DNM1: variants seen among roughly 807,000 people sequenced by gnomAD.
DNM1 encodes the protein dynamin 1.
Under a neutral mutation model 104.6 loss-of-function variants are expected in DNM1, and 29 were observed. The observed-to-expected ratio is 0.28, with a 90% confidence interval of 0.21 to 0.38. The LOEUF (loss-of-function observed/expected upper bound fraction) is 0.38, where lower values mean the gene tolerates loss of function less well. DNM1 is among the 10% of genes least tolerant of loss of function. DNM1 has a pLI of 1.00. For synonymous variants in DNM1, 445 were observed against 475.8 expected (o/e 0.94, Z 0.84); for missense variants, 640 against 1,189.4 (o/e 0.54, Z 6.79).
intron 1 of DNM1, among the ~76,000 whole-genome samples, chr9:128,217,494 G>A (rs1269881874): frequency 1.3e-5 from 2 of 152,134 alleles, no homozygotes; most frequent in Non-Finnish European, 2.9e-5. Flanking sequence ...TTGGCTCACC[G>A]TAACCTCCGC....
At position 128,247,420 on chromosome 9, in the gene DNM1, A is replaced by G; in HGVS notation, c.1827A>G (p.Thr609=). The G allele has an allele frequency of 6.2e-7, 1 of 1,613,736 alleles. No homozygotes were observed. The highest frequency in any genetic ancestry group is 8.5e-7 in the Non-Finnish European group (1 of 1,179,714). Residue 609 remains threonine, a synonymous_variant, in exon 17 of 22, where the codon ACA becomes ACG. Transcript: ENST00000372923. This position sits in a 1 kb window ranked among gnomAD's most constrained non-coding sequence, Gnocchi z 5.1. The part of the protein sequence containing the change: ...DYRQLELACE[T]QEEVDSWKAS... ...GGCAGCTGGAGCTAGCCTGTGAGAC[A>G]CAGGAGGAGGTGGACAGCTGGAAGG...
intron 15 of DNM1, among the ~76,000 whole-genome samples, chr9:128,244,491 G>A (rs925940030): frequency 6.6e-6 from 1 of 151,866 alleles, no homozygotes; most frequent in Non-Finnish European, 1.5e-5. Context: ...GGCTCTTTGG[G>A]CAGACCGGCG....
At position 128,222,417 on chromosome 9, in the gene DNM1, C is replaced by A. The variant is rs763632288; in HGVS notation, c.993-44C>A. 1.9e-6 allele frequency: 3 copies of A among 1,611,026 alleles called. No individual in the cohort carries two copies. The highest frequency in any genetic ancestry group is 2.5e-6 in the Non-Finnish European group (3 of 1,177,692). ...TGGGGCTCTCCCAGGGTTCCCTTTG[C>A]TGGGCTGCTCCTGCCCCCTCAGGCC... On this transcript the variant is annotated intron_variant, in intron 7 of 21. Coordinates refer to ENST00000372923, the MANE Select transcript of DNM1 (RefSeq NM_004408.4). The surrounding 1 kb of genome is among the most constrained non-coding windows in gnomAD (Gnocchi z 7.8).
intron 10 of DNM1, among the ~76,000 whole-genome samples, chr9:128,227,396 T>C (rs1188591880): frequency 1.4e-5 from 2 of 141,714 alleles, no homozygotes; most frequent in Non-Finnish European, 3.1e-5. Context: ...TTTTTTTTTT[T>C]TTTTTGAGAC....
Position 128,222,635 on chromosome 9 carries a change from T to TC in DNM1, c.1128+45dup, listed in dbSNP as rs774507270. The TC allele has an allele frequency of 1.8e-5, 29 of 1,611,128 alleles. No homozygotes were observed. In the East Asian group the frequency reaches 5.8e-4, roughly 32 times the overall value. Reference sequence around the variant, plus strand: ...CCCTGGGGACAGGATGGCTCAGGACTCCCCCCACCCTCACTCAGGACTCTC... The same window carrying TC: ...CCCTGGGGACAGGATGGCTCAGGACTCCCCCCCACCCTCACTCAGGACTCTC... On this transcript the variant is annotated intron_variant, in intron 8 of 21. Transcript: ENST00000372923. The surrounding 1 kb of genome is among the most constrained non-coding windows in gnomAD (Gnocchi z 7.8).
intron 10 of DNM1, among the ~76,000 whole-genome samples, chr9:128,225,634 C>CTTTGT (rs1483789820): frequency 6.6e-6 from 1 of 152,154 alleles, no homozygotes; most frequent in African/African-American, 2.4e-5. Flanking sequence ...CTTAGGAGAA[C>CTTTGT]CCAAGGCTGT....
At chr9:128,217,996 A>T (rs1228672055) in intron 1 of DNM1, among the ~76,000 whole-genome samples, 1 of 152,166 alleles carries the variant, frequency 6.6e-6, no homozygotes, top group Non-Finnish European at 1.5e-5. Context: ...GAGTTGATCC[A>T]GTCTCTTGGC....
rs1829668741 is a variant in DNM1, at chr9:128,253,674, C to A, written c.2535-980C>A. 1 of 237,018 alleles carries A rather than the reference C, an allele frequency of 4.2e-6. No individual in the cohort carries two copies. 14.7% of individuals were successfully genotyped at this position (237,018 alleles called of 1,614,324 possible). A position where few individuals can be genotyped will look rare whatever the true frequency, so the allele number is the denominator to read the frequency against. ...GGGTCCCACCTCCTCTATCTGCCGG[C>A]AATCCAGTGGTGACCTAGGGTAAAA... is the stretch of plus-strand genomic sequence containing the variant. On this transcript the variant is annotated intron_variant, in intron 21 of 21. Coordinates refer to ENST00000372923, the MANE Select transcript of DNM1 (RefSeq NM_004408.4). This position sits in a 1 kb window ranked among gnomAD's most constrained non-coding sequence, Gnocchi z 5.9.
At chr9:128,233,834 G>T in intron 10 of DNM1, 187 bp from the exon 11 acceptor site, 1 of 597,988 alleles carries the variant, frequency 1.7e-6, no homozygotes, top group South Asian at 1.9e-5. Context: ...CCCACACTTG[G>T]GGGAAAGGGG....
In DNM1 at chr9:128,254,680, GTCCTGAGA is replaced by G; in HGVS notation, c.2562_2569del (p.Glu856GlnfsTer28). On this transcript the variant is annotated frameshift_variant, in exon 22 of 22. Coordinates refer to ENST00000372923, the MANE Select transcript of DNM1 (RefSeq NM_004408.4). LOFTEE classifies it high-confidence loss of function. The surrounding 1 kb of genome is among the most constrained non-coding windows in gnomAD (Gnocchi z 6.1). ...CGATCGGGTCAGGCAAGTCCATCCC[GTCCTGAGA>G]GCCCCAGGCCCCCCTTCGACCTCTA... is the stretch of plus-strand genomic sequence containing the variant. 6.3e-7 allele frequency: 1 copy of G among 1,595,568 alleles called. No homozygotes were observed. Among genetic ancestry groups the G allele is most frequent in the Non-Finnish European group, 8.5e-7 (1 of 1,179,504 alleles).
chr9:128,251,159 G>A, intron 21 of DNM1: 1 of 682,382 alleles, frequency 1.5e-6, no homozygotes, highest in Non-Finnish European at 2.7e-6. Flanking sequence ...CGTTTCTGGG[G>A]AGGGGGCTGT....
chr9:128,246,434 A>G lies in DNM1; in HGVS notation c.1712A>G (p.Lys571Arg). Residue 571 changes from lysine to arginine, a missense_variant, in exon 16 of 22, where the codon AAG becomes AGG. Coordinates refer to ENST00000372923, the MANE Select transcript of DNM1 (RefSeq NM_004408.4). ...KKYMLSVDNL[K>R]LRDVEKGFMS... is the part of the protein sequence containing the mutation. ...TACATGCTGTCTGTGGACAACCTCA[A>G]GCTGCGGGACGTGGAGAAGGGCTTT... 1 of 1,614,092 alleles carries G rather than the reference A, an allele frequency of 6.2e-7. No individual in the cohort carries two copies. Among genetic ancestry groups the G allele is most frequent in the South Asian group, 1.1e-5 (1 of 91,082 alleles).
rs1224198241 is a variant in DNM1, at chr9:128,253,726, T to C, written c.2535-928T>C. ...CTTGAGAGTCCCATACACACGGTCA[T>C]CCCACGACATACCTCACAGGCCAGG... On this transcript the variant is annotated intron_variant, in intron 21 of 21. Coordinates refer to ENST00000372923, the MANE Select transcript of DNM1 (RefSeq NM_004408.4). This position sits in a 1 kb window ranked among gnomAD's most constrained non-coding sequence, Gnocchi z 5.9. The C allele has an allele frequency of 5.9e-5, 19 of 324,760 alleles. No individual in the cohort carries two copies. The highest frequency in any genetic ancestry group is 1.0e-4 in the Non-Finnish European group (19 of 181,520). 20.1% of individuals were successfully genotyped at this position (324,760 alleles called of 1,614,324 possible).
At chr9:128,207,113 G>A (rs1255154037) in intron 1 of DNM1, among the ~76,000 whole-genome samples, 2 of 152,072 alleles carry the variant, frequency 1.3e-5, no homozygotes, top group Admixed American at 1.3e-4. Flanking sequence ...CTCCTGGGTG[G>A]GTGTTGGTGC....
In DNM1 at chr9:128,242,243, G is replaced by C. The variant is rs1272074717; in HGVS notation, c.1569G>C (p.Lys523Asn). Residue 523 changes from lysine to asparagine, a missense_variant, in exon 15 of 22, where the codon AAG becomes AAC. Transcript: ENST00000372923. Reference protein sequence around the residue: ...GNQDEILVIRKGWLTINNIGI... With the variant: ...GNQDEILVIRNGWLTINNIGI... The stretch of plus-strand genomic sequence containing the variant: ...CCATCACCCTCCAGGTCATCCGCAA[G>C]GGCTGGCTGACTATCAATAATATTG... The C allele has an allele frequency of 6.2e-7, 1 of 1,606,686 alleles. No individual in the cohort carries two copies. The highest frequency in any genetic ancestry group is 1.3e-5 in the African/African-American group (1 of 74,890).
At position 128,239,983 on chromosome 9, in the gene DNM1, AGG is replaced by A; in HGVS notation, c.1546-1_1546del. 1 of 1,614,126 alleles carries A rather than the reference AGG, an allele frequency of 6.2e-7. No homozygotes were observed. Among genetic ancestry groups the A allele is most frequent in the Non-Finnish European group, 8.5e-7 (1 of 1,180,008 alleles). ...GTGGTTGCTATGGTTACCTCTTTGC[AGG>A]ATGAGATTCTGGTGAGTACCAGGAC... is the stretch of plus-strand genomic sequence containing the variant. On this transcript the variant is annotated splice_acceptor_variant and coding_sequence_variant, in exon 14 of 22. Transcript: ENST00000372923. LOFTEE classifies it high-confidence loss of function.
At position 128,253,893 on chromosome 9, in the gene DNM1, C is replaced by T; in HGVS notation, c.2535-761C>T. ...CCTTGGCCTGTTGCTCCTAGGGTCA[C>T]TTGTGCCATTCAGCCAAGGGGACGA... On this transcript the variant is annotated intron_variant, in intron 21 of 21. Transcript: ENST00000372923. This position sits in a 1 kb window ranked among gnomAD's most constrained non-coding sequence, Gnocchi z 5.9. 8.1e-7 allele frequency: 1 copy of T among 1,229,908 alleles called. No individual in the cohort carries two copies. Among genetic ancestry groups the T allele is most frequent in the Non-Finnish European group, 1.0e-6 (1 of 986,670 alleles). 76.2% of individuals were successfully genotyped at this position (1,229,908 alleles called of 1,614,324 possible).
At position 128,248,567 on chromosome 9, in the gene DNM1, G is replaced by C. The variant is rs776576075; in HGVS notation, c.1906-16G>C. 3 of 1,610,294 alleles carry C rather than the reference G, an allele frequency of 1.9e-6. No individual in the cohort carries two copies. Among genetic ancestry groups the C allele is most frequent in the African/African-American group, 2.7e-5 (2 of 74,856 alleles). ...CATGGCCTGGCCACCTGATGCCCTT[G>C]TGTTCTCCATGGCAGGCCAGCGAGA... On this transcript the variant is annotated splice_polypyrimidine_tract_variant and intron_variant, in intron 18 of 21. Coordinates refer to ENST00000372923, the MANE Select transcript of DNM1 (RefSeq NM_004408.4). The surrounding 1 kb of genome is among the most constrained non-coding windows in gnomAD (Gnocchi z 5.6).
At chr9:128,251,635 A>C (rs2016233) in intron 21 of DNM1, 9,765 of 93,304 alleles carry the variant, frequency 0.1, 555 homozygotes, top group African/African-American at 0.27. Context: ...CCCCCCAACC[A>C]CCCCCTCCGC....
Sources: gnomAD v4.1 joint callset for allele counts (sites outside exome capture counted in the v4.1 genomes callset) on GRCh38, gnomAD v4.1.1 for gene constraint, Gnocchi (gnomAD v3.1) non-coding constraint, MANE v1.5 for transcripts, NCBI Gene and HGNC (gene_info 2026-07-23, HGNC 2026-07-21) for gene names.